SKIC3: variants seen among roughly 807,000 people sequenced by gnomAD.
SKIC3 encodes the protein SKI3 subunit of superkiller complex.
chr5:95,512,973 C>T, the SKIC3 span: 2 of 270,432 alleles, frequency 7.4e-6, no homozygotes, highest in Non-Finnish European at 1.4e-5. Context: ...GTCTACCATG[C>T]CTACTCCTTA....
chr5:95,529,239 C>A, the SKIC3 span: 4 of 776,776 alleles, frequency 5.1e-6, no homozygotes, highest in African/African-American at 3.4e-5. Flanking sequence ...CACACTGATT[C>A]TCTGCCTCAA....
chr5:95,517,468 A>G, the SKIC3 span: 1 of 912,096 alleles, frequency 1.1e-6, no homozygotes, highest in South Asian at 1.8e-5. Context: ...TCACCTCCCT[A>G]ATAGGAAGGG....
At chr5:95,510,608 G>C in the SKIC3 span, among the ~76,000 whole-genome samples, 2 of 152,120 alleles carry the variant, frequency 1.3e-5, no homozygotes, top group Non-Finnish European at 2.9e-5. Flanking sequence ...AACTGACTGC[G>C]CAAGAAGACA....
chr5:95,481,238 T>C, the SKIC3 span, among the ~76,000 whole-genome samples: 2 of 152,096 alleles, frequency 1.3e-5, no homozygotes, highest in Non-Finnish European at 2.9e-5. Context: ...ATGGGAGGGA[T>C]CTGGTAGAAG....
the SKIC3 span, among the ~76,000 whole-genome samples, chr5:95,545,182 A>G: frequency 1.2e-4 from 18 of 152,154 alleles, no homozygotes; most frequent in Non-Finnish European, 2.4e-4. Flanking sequence ...ACGTGCATCA[A>G]TTAGATAAAC....
At chr5:95,529,521 A>T in the SKIC3 span, among the ~76,000 whole-genome samples, 1 of 152,108 alleles carries the variant, frequency 6.6e-6, no homozygotes, top group Non-Finnish European at 1.5e-5. Flanking sequence ...CTGTACATAC[A>T]CTTCATTCTC....
chr5:95,543,325 T>C, the SKIC3 span: 3 of 1,613,746 alleles, frequency 1.9e-6, no homozygotes, highest in African/African-American at 1.3e-5. Context: ...GCTTTAACAC[T>C]GTCTGATTTA....
the SKIC3 span, among the ~76,000 whole-genome samples, chr5:95,504,288 A>T: frequency 3.9e-5 from 6 of 152,140 alleles, no homozygotes; most frequent in East Asian, 1.2e-3. Context: ...GTGAGCCGAG[A>T]TTGCACCACT....
the SKIC3 span, chr5:95,516,848 T>A: frequency 6.4e-7 from 1 of 1,563,610 alleles, no homozygotes; most frequent in Non-Finnish European, 8.7e-7. Context: ...ATTTACTTCA[T>A]CCAAAACAAC....
the SKIC3 span, among the ~76,000 whole-genome samples, chr5:95,540,087 C>A: frequency 6.6e-6 from 1 of 152,058 alleles, no homozygotes; most frequent in Non-Finnish European, 1.5e-5. Flanking sequence ...CATACACACA[C>A]AATGGAATAC....
the SKIC3 span, among the ~76,000 whole-genome samples, chr5:95,552,367 T>C: frequency 6.6e-6 from 1 of 152,238 alleles, no homozygotes; most frequent in South Asian, 2.1e-4. Flanking sequence ...TTATCCTATA[T>C]AGACATAATT....
chr5:95,482,286 A>G, the SKIC3 span, among the ~76,000 whole-genome samples: 1 of 152,216 alleles, frequency 6.6e-6, no homozygotes, highest in Non-Finnish European at 1.5e-5. Flanking sequence ...TCATCATTGT[A>G]GCAGATCCAA....
the SKIC3 span, chr5:95,478,447 G>C: frequency 6.2e-7 from 1 of 1,613,520 alleles, no homozygotes; most frequent in Non-Finnish European, 8.5e-7. Flanking sequence ...CAGCCACTAA[G>C]AAACAAAAAA....
At chr5:95,499,448 T>C in the SKIC3 span, among the ~76,000 whole-genome samples, 1 of 152,334 alleles carries the variant, frequency 6.6e-6, no homozygotes, top group East Asian at 1.9e-4. Flanking sequence ...CCATACTTCC[T>C]GTGCAGCCTG....
At chr5:95,516,395 C>T in the SKIC3 span, 1 of 1,613,076 alleles carries the variant, frequency 6.2e-7, no homozygotes, top group South Asian at 1.1e-5. Context: ...CCAAGTTGGT[C>T]CATGCAACAG....
At chr5:95,469,785 C>A in the SKIC3 span, 2 of 1,613,940 alleles carry the variant, frequency 1.2e-6, no homozygotes, top group South Asian at 1.1e-5. Flanking sequence ...CATACCTTGC[C>A]CCCATTTTGC....
the SKIC3 span, among the ~76,000 whole-genome samples, chr5:95,499,758 C>CA: frequency 6.6e-6 from 1 of 152,126 alleles, no homozygotes; most frequent in Non-Finnish European, 1.5e-5. Flanking sequence ...ATAATAAGTA[C>CA]AAATTGTCTC....
chr5:95,549,853 T>C, the SKIC3 span, among the ~76,000 whole-genome samples: 2 of 151,912 alleles, frequency 1.3e-5, no homozygotes, highest in Non-Finnish European at 2.9e-5. Context: ...CTTAAACCCA[T>C]TTTCCTTCCG....
chr5:95,528,965 A>T, the SKIC3 span: 3 of 1,558,186 alleles, frequency 1.9e-6, no homozygotes, highest in Non-Finnish European at 2.7e-6. Flanking sequence ...AGGGTTGGTC[A>T]CCCTTATATG....
Sources: allele counts gnomAD v4.1 joint callset (sites outside exome capture counted in the v4.1 genomes callset), GRCh38; gene constraint gnomAD v4.1.1; transcripts MANE v1.5; gene names NCBI Gene and HGNC (gene_info 2026-07-23, HGNC 2026-07-21).